Variants in TENM3 observed in about 807,000 individuals in gnomAD.
The protein encoded by TENM3 is teneurin transmembrane protein 3.
In TENM3, 63 loss-of-function variants were observed where a neutral mutation model predicts 255.1. That is an observed-to-expected ratio of 0.25 (90% CI 0.20 to 0.30). The LOEUF (loss-of-function observed/expected upper bound fraction) is 0.30. Among genes scored for constraint, TENM3 ranks in the 10% least tolerant of loss-of-function variants. The pLI, the probability that TENM3 is intolerant of heterozygous loss-of-function variation, is 1.00. For synonymous variants in TENM3, 1,306 were observed against 1,322.3 expected, an observed-to-expected ratio of 0.99 and a Z score of 0.27; for missense variants, 2,929 against 3,461.1, an observed-to-expected ratio of 0.85 and a Z score of 3.86.
the TENM3 span, among the ~76,000 whole-genome samples, chr4:181,859,191 C>G: frequency 1.5e-5 from 2 of 132,342 alleles, no homozygotes; most frequent in African/African-American, 5.6e-5. Flanking sequence ...TGCAGTGAGC[C>G]GAGATCGTGC....
intron 3 of TENM3, among the ~76,000 whole-genome samples, chr4:182,359,074 T>G (rs1344188999): frequency 7.3e-5 from 11 of 151,682 alleles, no homozygotes; most frequent in Non-Finnish European, 1.3e-4. Context: ...GAAGCCCACT[T>G]GATCATGGTG....
the TENM3 span, among the ~76,000 whole-genome samples, chr4:181,917,916 C>G: frequency 2.0e-5 from 3 of 152,134 alleles, no homozygotes. Context: ...CCCACTTCAG[C>G]CTCCCAAGGT....
At chr4:182,456,797 G>A (rs1008002940) in intron 3 of TENM3, among the ~76,000 whole-genome samples, 13 of 152,118 alleles carry the variant, frequency 8.5e-5, no homozygotes, top group African/African-American at 9.7e-5. Context: ...ATGTTTTGCC[G>A]TCGAGAGATT....
At chr4:181,579,934 AT>A in the TENM3 span, among the ~76,000 whole-genome samples, 2 of 3,232 alleles carry the variant, frequency 6.2e-4, no homozygotes, top group Non-Finnish European at 1.7e-3. Flanking sequence ...AGTACCTACA[AT>A]TTTATTTTAT....
At chr4:181,892,622 T>G in the TENM3 span, among the ~76,000 whole-genome samples, 1 of 152,222 alleles carries the variant, frequency 6.6e-6, no homozygotes, top group African/African-American at 2.4e-5. Context: ...AGAGCACTCC[T>G]AGCCACCTTG....
At chr4:181,846,375 G>T in the TENM3 span, among the ~76,000 whole-genome samples, 1 of 152,072 alleles carries the variant, frequency 6.6e-6, no homozygotes, top group Non-Finnish European at 1.5e-5. Context: ...CTTGTTTGTA[G>T]GTTGCATTCT....
chr4:181,907,576 T>G, the TENM3 span, among the ~76,000 whole-genome samples: 1 of 151,946 alleles, frequency 6.6e-6, no homozygotes, highest in Non-Finnish European at 1.5e-5. Flanking sequence ...AGTGAAGGGA[T>G]GAGACGTGGA....
At chr4:181,787,501 C>A in the TENM3 span, among the ~76,000 whole-genome samples, 1 of 152,094 alleles carries the variant, frequency 6.6e-6, no homozygotes, top group East Asian at 1.9e-4. Context: ...CCACGCCCAG[C>A]TAATTTTTTC....
intron 1 of TENM3, among the ~76,000 whole-genome samples, chr4:182,318,812 G>A (rs897097381): frequency 3.3e-5 from 5 of 152,138 alleles, no homozygotes; most frequent in Non-Finnish European, 7.3e-5. Context: ...CTGTTGCCTG[G>A]GCTGGAGTGC....
chr4:182,792,932 T>C lies in TENM3; in HGVS notation c.6260T>C (p.Ile2087Thr). 1.9e-6 allele frequency: 3 copies of C among 1,613,868 alleles called. No homozygotes were observed. Among genetic ancestry groups the C allele is most frequent in the Non-Finnish European group, 2.5e-6 (3 of 1,179,836 alleles). The change falls in exon 26 of 28, where the codon ATC (isoleucine) becomes ACC (threonine). Residue 2087 changes from isoleucine (I) to threonine (T), a missense_variant. This residue lies in a region of TENM3 where 256 missense variants were observed against 389.3 expected (regional missense o/e 0.66). Transcript: ENST00000511685. This position sits in a 1 kb window ranked among gnomAD's most constrained non-coding sequence, Gnocchi z 6.3. ...AAGCACTTTGATGCTCATGGCCGTA[T>C]CAAGGAGATTCAATATGAGATATTC... is the stretch of plus-strand genomic sequence containing the variant. ...YTKHFDAHGR[I>T]KEIQYEIFRS...
chr4:181,893,489 C>CCT, the TENM3 span, among the ~76,000 whole-genome samples: 1 of 43,942 alleles, frequency 2.3e-5, no homozygotes, highest in Non-Finnish European at 3.8e-5. Flanking sequence ...TTTCCCCTGC[C>CCT]CACCCCCCCC....
the TENM3 span, among the ~76,000 whole-genome samples, chr4:181,537,165 C>T: frequency 1.3e-5 from 2 of 152,046 alleles, no homozygotes; most frequent in African/African-American, 4.8e-5. Context: ...CTGAGGCAGA[C>T]TAAGGTTGGG....
rs60234584 is a variant in TENM3, at chr4:182,346,068, T to TATACATACATAC, written c.233-553_233-542dup. Among the ~76,000 whole-genome samples the TATACATACATAC allele has an allele frequency of 2.2e-3, 336 of 149,358 alleles. 2 individuals carry two copies. Among genetic ancestry groups the TATACATACATAC allele is most frequent in the South Asian group, 9.8e-3 (45 of 4,614 alleles). On this transcript the variant is annotated intron_variant, in intron 2 of 27. Coordinates refer to ENST00000511685, the MANE Select transcript of TENM3 (RefSeq NM_001080477.4). Reference sequence around the variant, plus strand: ...TACACCCACCCCACACACACACATATATACATACATACATACATACATACA... The same window carrying TATACATACATAC: ...TACACCCACCCCACACACACACATATATACATACATACATACATACATACATACATACATACA...
At chr4:181,760,025 C>G in the TENM3 span, among the ~76,000 whole-genome samples, 28 of 151,952 alleles carry the variant, frequency 1.8e-4, no homozygotes, top group Admixed American at 3.3e-4. Context: ...ACCATGCTGC[C>G]TACAGAGAAT....
intron 2 of TENM3, among the ~76,000 whole-genome samples, chr4:182,346,068 TATAC>T (rs60234584): frequency 0.05 from 7,526 of 149,312 alleles, 294 homozygotes; most frequent in African/African-American, 0.1. Flanking sequence ...CACACACATA[TATAC>T]ATACATACAT....
intron 1 of TENM3, among the ~76,000 whole-genome samples, chr4:182,307,529 A>T (rs1187662525): frequency 6.6e-6 from 1 of 152,202 alleles, no homozygotes; most frequent in Non-Finnish European, 1.5e-5. Context: ...TCCTTTCCTT[A>T]ATGCTCCATC....
At chr4:182,331,391 CAA>C (rs1360325084) in intron 2 of TENM3, among the ~76,000 whole-genome samples, 4 of 151,938 alleles carry the variant, frequency 2.6e-5, no homozygotes, top group Non-Finnish European at 4.4e-5. Flanking sequence ...ACTAAAAATA[CAA>C]AAGTTAGCCA....
the TENM3 span, among the ~76,000 whole-genome samples, chr4:182,003,984 G>A: frequency 6.6e-5 from 10 of 151,708 alleles, no homozygotes; most frequent in Non-Finnish European, 1.3e-4. Flanking sequence ...CTCTCTTAAT[G>A]CCAATGGGGA....
the TENM3 span, among the ~76,000 whole-genome samples, chr4:182,067,761 T>C: frequency 0.64 from 97,846 of 152,018 alleles, 32,774 homozygotes; most frequent in East Asian, 0.87. Flanking sequence ...TTAACCATTC[T>C]TGGTCTCTGC....
Sources: gnomAD v4.1 joint callset for allele counts (sites outside exome capture counted in the v4.1 genomes callset) on GRCh38, gnomAD v4.1.1 for gene constraint, gnomAD v4.1.1 regional missense constraint, Gnocchi (gnomAD v3.1) non-coding constraint, MANE v1.5 for transcripts, NCBI Gene and HGNC (gene_info 2026-07-23, HGNC 2026-07-21) for gene names.